RPAP2: variants seen among roughly 807,000 people sequenced by gnomAD.
RPAP2 encodes the protein RNA polymerase II associated protein 2.
RPAP2 carries 52 observed loss-of-function variants against 73.1 expected under a neutral mutation model. That is an observed-to-expected ratio of 0.71 (90% CI 0.57 to 0.90). RPAP2 has a LOEUF of 0.90. RPAP2 is among the 40% of genes least tolerant of loss of function. The pLI, the probability that RPAP2 is intolerant of heterozygous loss-of-function variation, is 0.00. For missense variants in RPAP2, 598 were observed against 701.8 expected (o/e 0.85, Z 1.67); for synonymous variants, 225 against 242.1 (o/e 0.93, Z 0.65).
At chr1:92,380,994 C>A in intron 12 of RPAP2, 121 bp downstream of exon 12, 1 of 750,522 alleles carries the variant, frequency 1.3e-6, no homozygotes, top group Non-Finnish European at 2.0e-6. Context: ...CCTCAGTTTG[C>A]TAAGGAAGGA....
chr1:92,344,471 A>C (rs1377626404), intron 10 of RPAP2, among the ~76,000 whole-genome samples: 1 of 152,200 alleles, frequency 6.6e-6, no homozygotes, highest in Non-Finnish European at 1.5e-5. Flanking sequence ...AAATATGTAA[A>C]TCTAGTTTAT....
In RPAP2 at chr1:92,345,901, G is replaced by A. The variant is rs758558564; in HGVS notation, c.1675G>A (p.Val559Met). 2.5e-6 allele frequency: 4 copies of A among 1,603,156 alleles called. No individual in the cohort carries two copies. The highest frequency in any genetic ancestry group is 3.3e-4 in the Middle Eastern group (2 of 6,066). The change falls in exon 11 of 13, where the codon GTG (valine) becomes ATG (methionine). Residue 559 changes from valine to methionine, a missense_variant. Val to Met is a conservative substitution (Grantham distance 21). Coordinates refer to ENST00000610020, the MANE Select transcript of RPAP2 (RefSeq NM_024813.3). ...KPAEWTLIAMVLLSLLTPILG... is the reference protein window; with the variant it reads ...KPAEWTLIAMMLLSLLTPILG... ...TGCGGAATGGACTTTAATTGCTATG[G>A]TGTTGCTGTCATTGTAAGTACTCTC...
At chr1:92,314,006 G>C (rs1341304960) in intron 6 of RPAP2, among the ~76,000 whole-genome samples, 3 of 152,166 alleles carry the variant, frequency 2.0e-5, no homozygotes, top group East Asian at 3.9e-4. Flanking sequence ...CCTTGCTCTG[G>C]ATTAGGCTTA....
At chr1:92,362,299 C>T (rs961021527) in intron 11 of RPAP2, among the ~76,000 whole-genome samples, 2 of 152,180 alleles carry the variant, frequency 1.3e-5, no homozygotes, top group Non-Finnish European at 2.9e-5. Flanking sequence ...TGGCTTTTCT[C>T]ATTCTGATAA....
intron 6 of RPAP2, among the ~76,000 whole-genome samples, chr1:92,317,244 C>T (rs1240858637): frequency 6.6e-6 from 1 of 152,100 alleles, no homozygotes; most frequent in South Asian, 2.1e-4. Context: ...TGCGGTGGCT[C>T]ACAACTGTAA....
chr1:92,353,373 G>A (rs1250963825), intron 11 of RPAP2, among the ~76,000 whole-genome samples: 1 of 152,140 alleles, frequency 6.6e-6, no homozygotes, highest in Non-Finnish European at 1.5e-5. Context: ...ACACCCAGTA[G>A]TCATTTTAAA....
chr1:92,309,548 TACAC>T (rs1651457308), intron 6 of RPAP2, among the ~76,000 whole-genome samples: 1 of 40,468 alleles, frequency 2.5e-5, no homozygotes, highest in Non-Finnish European at 4.1e-5. Context: ...CACATACACA[TACAC>T]ATACACATAC....
chr1:92,354,094 T>G (rs1654344503), intron 11 of RPAP2, among the ~76,000 whole-genome samples: 3 of 152,176 alleles, frequency 2.0e-5, no homozygotes. Flanking sequence ...GTGGTGGTGA[T>G]GACAGCAGTT....
At chr1:92,319,081 C>T (rs1007946364) in intron 6 of RPAP2, among the ~76,000 whole-genome samples, 1 of 152,026 alleles carries the variant, frequency 6.6e-6, no homozygotes, top group East Asian at 1.9e-4. Flanking sequence ...AGAGTAAATA[C>T]CCCAGAGTGG....
At chr1:92,374,644 A>C (rs1284604584) in intron 11 of RPAP2, among the ~76,000 whole-genome samples, 1 of 152,216 alleles carries the variant, frequency 6.6e-6, no homozygotes, top group Non-Finnish European at 1.5e-5. Context: ...AGTTGATCAA[A>C]ACCATAGTAG....
At chr1:92,370,552 T>A (rs576176707) in intron 11 of RPAP2, among the ~76,000 whole-genome samples, 1 of 152,144 alleles carries the variant, frequency 6.6e-6, no homozygotes, top group Non-Finnish European at 1.5e-5. Flanking sequence ...TGTCTAGAAT[T>A]TAAGGTTTAT....
At chr1:92,350,185 G>C (rs1488366258) in intron 11 of RPAP2, among the ~76,000 whole-genome samples, 1 of 152,088 alleles carries the variant, frequency 6.6e-6, no homozygotes, top group African/African-American at 2.4e-5. Context: ...GCCCTAAGTG[G>C]TTACCCAAGA....
chr1:92,304,486 A>G (rs1159580644), intron 5 of RPAP2, 137 bp downstream of exon 5: 1 of 505,032 alleles, frequency 2.0e-6, no homozygotes, highest in East Asian at 3.5e-5. Flanking sequence ...TGGTTAGAAA[A>G]TAGTGATGTT....
chr1:92,388,412 G>A lies in RPAP2; in HGVS notation c.*1401G>A, dbSNP rs767298047. ...AAATAAAAATAAATTGAAGATGGCC[G>A]AATAGGAACAGCTCCAGTCTACAGC... On this transcript the variant is annotated 3_prime_UTR_variant, in exon 13 of 13. Coordinates refer to ENST00000610020, the MANE Select transcript of RPAP2 (RefSeq NM_024813.3). 8.5e-5 allele frequency: 13 copies of A among 152,268 alleles called. No homozygotes were observed. Among genetic ancestry groups the A allele is most frequent in the Non-Finnish European group, 1.6e-4 (11 of 68,148 alleles). The allele number at this position is 152,268 out of a possible 1,614,324, so 9.4% of individuals were successfully genotyped here.
intron 11 of RPAP2, among the ~76,000 whole-genome samples, chr1:92,358,791 T>C (rs1307808503): frequency 6.6e-6 from 1 of 152,212 alleles, no homozygotes; most frequent in African/African-American, 2.4e-5. Context: ...TCTCACTTTG[T>C]TGCCCAGGCT....
At chr1:92,334,505 G>T (rs929952342) in intron 9 of RPAP2, among the ~76,000 whole-genome samples, 2 of 152,010 alleles carry the variant, frequency 1.3e-5, no homozygotes, top group East Asian at 3.9e-4. Context: ...ACAGTTAGGG[G>T]TCAAATGACA....
At chr1:92,336,883 A>C (rs1653310935) in intron 10 of RPAP2, among the ~76,000 whole-genome samples, 1 of 152,182 alleles carries the variant, frequency 6.6e-6, no homozygotes, top group Non-Finnish European at 1.5e-5. Context: ...TGAATTACAC[A>C]GAACAGACTT....
At chr1:92,354,930 T>C (rs2101357672) in intron 11 of RPAP2, among the ~76,000 whole-genome samples, 1 of 150,534 alleles carries the variant, frequency 6.6e-6, no homozygotes, top group Non-Finnish European at 1.5e-5. Context: ...TGAGACAGGT[T>C]CTCTGTCACC....
chr1:92,322,146 A>G (rs1474996883), intron 7 of RPAP2, among the ~76,000 whole-genome samples: 4 of 151,308 alleles, frequency 2.6e-5, no homozygotes, highest in Non-Finnish European at 4.4e-5. Context: ...GGGTTTCACT[A>G]TGTTGGCCAG....
Sources: allele counts gnomAD v4.1 joint callset (sites outside exome capture counted in the v4.1 genomes callset), GRCh38; gene constraint gnomAD v4.1.1; transcripts MANE v1.5; gene names NCBI Gene and HGNC (gene_info 2026-07-23, HGNC 2026-07-21).